The following GFM1 variants were observed in gnomAD, a reference collection of about 807,000 sequenced individuals.
GFM1 encodes the protein elongation factor G, mitochondrial.
Under a neutral mutation model 96.2 loss-of-function variants are expected in GFM1, and 62 were observed. The ratio of observed to expected loss-of-function variants is 0.64; its 90% CI spans 0.53 to 0.80. The LOEUF (loss-of-function observed/expected upper bound fraction) is 0.80. Among genes scored for constraint, GFM1 ranks in the 30% least tolerant of loss-of-function variants. The probability of loss-of-function intolerance (pLI) is 0.00; values close to 1 mark genes in which losing one functional copy is unlikely to be tolerated. For missense variants in GFM1, 852 were observed against 916.6 expected (o/e 0.93, Z 0.91); for synonymous variants, 282 against 312.9 (o/e 0.90, Z 1.04).
chr3:158,686,359 A>G (rs990815039), intron 15 of GFM1, among the ~76,000 whole-genome samples: 1 of 147,262 alleles, frequency 6.8e-6, no homozygotes, highest in East Asian at 1.9e-4. Flanking sequence ...ATATATAAAT[A>G]TGTTCTGTGG....
At chr3:158,669,206 T>C in intron 13 of GFM1, 8 of 1,442,042 alleles carry the variant, frequency 5.5e-6, no homozygotes, top group Non-Finnish European at 7.6e-6. Context: ...AAATTCTAAA[T>C]CATGTCTTAG....
intron 5 of GFM1, chr3:158,649,826 T>C: frequency 1.7e-6 from 1 of 576,514 alleles, no homozygotes; most frequent in Non-Finnish European, 3.1e-6. Flanking sequence ...CTCCAGAGAT[T>C]CTGATCAGTA....
chr3:158,655,043 T>G (rs1722629835), intron 8 of GFM1, among the ~76,000 whole-genome samples: 1 of 152,232 alleles, frequency 6.6e-6, no homozygotes, highest in Non-Finnish European at 1.5e-5. Context: ...AGGTTTCTAC[T>G]GTTATAAATA....
intron 6 of GFM1, among the ~76,000 whole-genome samples, chr3:158,652,733 G>C (rs1486415223): frequency 1.3e-5 from 2 of 152,204 alleles, no homozygotes; most frequent in African/African-American, 4.8e-5. Flanking sequence ...GGCTTCCTGT[G>C]TGTATGTTCT....
rs1864506 is a variant in GFM1, at chr3:158,644,737, A to G, written c.81+22A>G. 0.37 allele frequency: 572,982 copies of G among 1,553,456 alleles called. 109,937 individuals are homozygous for G. The highest frequency in any genetic ancestry group is 0.62 in the African/African-American group (45,679 of 73,810). ...GCAGGTACCGGAGCATAGAGAGGCT[A>G]AATCGGGACCATTCCCGGAACCTTG... On this transcript the variant is annotated intron_variant, in intron 1 of 17. Transcript: ENST00000486715.
chr3:158,679,245 T>C (rs1404269081), intron 13 of GFM1, among the ~76,000 whole-genome samples: 3 of 152,230 alleles, frequency 2.0e-5, no homozygotes, highest in African/African-American at 7.2e-5. Flanking sequence ...GCATACTTAA[T>C]AGACTACAGT....
chr3:158,663,036 G>A (rs998920250), intron 11 of GFM1, among the ~76,000 whole-genome samples: 1 of 152,094 alleles, frequency 6.6e-6, no homozygotes, highest in African/African-American at 2.4e-5. Flanking sequence ...CCACTATAAA[G>A]TACTTTAGAA....
chr3:158,662,195 C>G (rs1015144457), intron 10 of GFM1, among the ~76,000 whole-genome samples: 4 of 152,108 alleles, frequency 2.6e-5, no homozygotes, highest in Non-Finnish European at 5.9e-5. Context: ...AGTTGTAATT[C>G]ATTAAATGAG....
In GFM1 at chr3:158,660,901, A is replaced by G. The variant is rs1308385999; in HGVS notation, c.1249A>G (p.Ile417Val). 1 of 1,613,910 alleles carries G rather than the reference A, an allele frequency of 6.2e-7. No homozygotes were observed. Among genetic ancestry groups the G allele is most frequent in the South Asian group, 1.1e-5 (1 of 91,086 alleles). ...EDVEEVYAGD[I>V]CALFGIDCAS... ...TGTTGAGGAAGTATATGCCGGAGACATCTGTGCATTGTTTGGCATTGACTG... is the reference window on the plus strand; with the variant it reads ...TGTTGAGGAAGTATATGCCGGAGACGTCTGTGCATTGTTTGGCATTGACTG... Residue 417 changes from isoleucine to valine, a missense_variant, in exon 10 of 18, where the codon ATC (isoleucine) becomes GTC (valine). Transcript: ENST00000486715.
intron 12 of GFM1, 141 bp from the exon 13 acceptor site, chr3:158,666,163 C>T: frequency 3.0e-6 from 2 of 673,986 alleles, no homozygotes; most frequent in Non-Finnish European, 5.3e-6. Flanking sequence ...CATACCTAAT[C>T]CTTATAAGAT....
At chr3:158,675,791 A>T (rs889928630) in intron 13 of GFM1, among the ~76,000 whole-genome samples, 4 of 152,192 alleles carry the variant, frequency 2.6e-5, no homozygotes, top group African/African-American at 9.7e-5. Context: ...TAGTCCTGGG[A>T]TAATTGGACA....
Position 158,682,152 on chromosome 3 carries a change from GA to G in GFM1, c.1763del (p.Lys588ArgfsTer4). On this transcript the variant is annotated frameshift_variant, in exon 14 of 18. Coordinates refer to ENST00000486715, the MANE Select transcript of GFM1 (RefSeq NM_024996.7). LOFTEE classifies it high-confidence loss of function. The stretch of plus-strand genomic sequence containing the variant: ...TCCAAAGCAGTTTGTGCCTGCTGTA[GA>G]AAAGGTAAATTTTTAAAAAAGTGTT... The part of the protein sequence containing the change: ...NIPKQFVPAV[E>X]KGFLDACEKG... The G allele has an allele frequency of 6.2e-7, 1 of 1,612,810 alleles. No individual in the cohort carries two copies. Among genetic ancestry groups the G allele is most frequent in the Non-Finnish European group, 8.5e-7 (1 of 1,179,246 alleles).
chr3:158,674,875 A>C (rs1312654717), intron 13 of GFM1, among the ~76,000 whole-genome samples: 1 of 152,244 alleles, frequency 6.6e-6, no homozygotes, highest in East Asian at 1.9e-4. Context: ...CAGTCCAGGA[A>C]TATCTAGTCC....
Position 158,659,054 on chromosome 3 carries a change from A to G in GFM1, c.1216A>G (p.Met406Val), listed in dbSNP as rs1471742069. The G allele has an allele frequency of 6.2e-7, 1 of 1,614,190 alleles. No individual in the cohort carries two copies. The highest frequency in any genetic ancestry group is 1.7e-5 in the Admixed American group (1 of 60,024). Residue 406 changes from methionine to valine, a missense_variant, in exon 9 of 18, where the codon ATG becomes GTG. Coordinates refer to ENST00000486715, the MANE Select transcript of GFM1 (RefSeq NM_024996.7). ...GCTGGCTCGCATGCATGCCGACATG[A>G]TGGAGGCAAGTACAGAGTCATTGTG... ...QRLARMHADMMEDVEEVYAGD... is the reference protein window; with the variant it reads ...QRLARMHADMVEDVEEVYAGD...
intron 11 of GFM1, among the ~76,000 whole-genome samples, chr3:158,663,334 A>G (rs1363182172): frequency 6.6e-6 from 1 of 152,214 alleles, no homozygotes; most frequent in Non-Finnish European, 1.5e-5. Flanking sequence ...TTGCCTTGGC[A>G]TTCATAACAA....
intron 14 of GFM1, chr3:158,682,495 A>G (rs1044436552): frequency 2.4e-5 from 6 of 252,746 alleles, no homozygotes; most frequent in Non-Finnish European, 3.9e-5. Flanking sequence ...CAGCAGAATG[A>G]TCATTCTTTA....
Position 158,689,832 on chromosome 3 carries a change from G to A in GFM1, c.1910-331G>A, listed in dbSNP as rs187429968. ...CTTTAACCCTGACGATTTTCAGAGA[G>A]AATAAATAACTCAGCTGGATAATTT... On this transcript the variant is annotated intron_variant, in intron 15 of 17. Coordinates refer to ENST00000486715, the MANE Select transcript of GFM1 (RefSeq NM_024996.7). Among the ~76,000 whole-genome samples the A allele has an allele frequency of 8.5e-5, 13 of 152,062 alleles. No homozygotes were observed. In the East Asian group the frequency reaches 2.5e-3, roughly 29 times the overall value.
chr3:158,680,346 G>A (rs1725270058), intron 13 of GFM1, among the ~76,000 whole-genome samples: 1 of 152,072 alleles, frequency 6.6e-6, no homozygotes, highest in African/African-American at 2.4e-5. Context: ...TGTGACAGAT[G>A]TTTTGCCAAA....
rs147759114 is a variant in GFM1, at chr3:158,669,097, C to T, written c.1601+2711C>T. 1.1e-3 allele frequency: 1,818 copies of T among 1,613,554 alleles called. 19 individuals are homozygous for T. The African/African-American group carries it at 0.019, about 17-fold the overall frequency. ...CAGGCAACCCAGGCTAAATGTAGAA[C>T]GAGCGTCATTTCTGGAGATACATTT... On this transcript the variant is annotated intron_variant, in intron 13 of 17. Transcript: ENST00000486715.
Sources: gnomAD v4.1 joint callset for allele counts (sites outside exome capture counted in the v4.1 genomes callset) on GRCh38, gnomAD v4.1.1 for gene constraint, MANE v1.5 for transcripts, NCBI Gene and HGNC (gene_info 2026-07-23, HGNC 2026-07-21) for gene names.